PDCD11: variants seen among roughly 807,000 people sequenced by gnomAD.
PDCD11 encodes programmed cell death 11.
In PDCD11, 97 loss-of-function variants were observed where a neutral mutation model predicts 198.9. The observed-to-expected ratio is 0.49, with a 90% CI of 0.41 to 0.58. The LOEUF (loss-of-function observed/expected upper bound fraction) is 0.58. Ranked by LOEUF, PDCD11 falls within the 20% of genes least tolerant of loss-of-function variation. PDCD11 has a pLI of 0.00. For missense variants in PDCD11, 2,102 were observed against 2,312.7 expected (o/e 0.91, Z 1.87); for synonymous variants, 893 against 918.0 (o/e 0.97, Z 0.49).
intron 7 of PDCD11, among the ~76,000 whole-genome samples, chr10:103,408,429 G>T (rs1237003105): frequency 6.6e-6 from 1 of 152,136 alleles, no homozygotes; most frequent in East Asian, 1.9e-4. Context: ...TCTCTAGGAA[G>T]TTTTTGTTTA....
intron 5 of PDCD11, among the ~76,000 whole-genome samples, chr10:103,405,611 G>T (rs533856390): frequency 7.2e-5 from 11 of 152,198 alleles, no homozygotes; most frequent in African/African-American, 2.4e-4. Context: ...GGCCAGGCTG[G>T]TCTCAAACTC....
rs764202652 is a variant in PDCD11 at position 103,439,875 on chromosome 10, G to GC, written c.4148+9dup. 6.2e-7 allele frequency: 1 copy of GC among 1,614,118 alleles called. No individual in the cohort carries two copies. Among genetic ancestry groups the GC allele is most frequent in the Non-Finnish European group, 8.5e-7 (1 of 1,179,982 alleles). ...TCACAGCCAGGGTCCTACGGTAGGT[G>GC]CCTTCCCGTTCTCTCTCTCTCTGTA... On this transcript the variant is annotated splice_region_variant and intron_variant, in intron 28 of 35. Coordinates refer to ENST00000369797, the MANE Select transcript of PDCD11 (RefSeq NM_014976.2).
chr10:103,423,228 G>A (rs921436282), intron 18 of PDCD11, 91 bp downstream of exon 18: 7 of 1,308,892 alleles, frequency 5.3e-6, no homozygotes, highest in African/African-American at 3.0e-5. Flanking sequence ...AAATACTTAC[G>A]GTAGGTGAGT....
In PDCD11 at chr10:103,438,806, T is replaced by G; in HGVS notation, c.4023T>G (p.Phe1341Leu). ...CCATCCAGCCACACGGTGTGTTCTT[T>G]CGGTGAGTGAGGGGGGCTCTGCACC... ...VGSIQPHGVFFRLGPSVVGLA... is the reference protein window; with the variant it reads ...VGSIQPHGVFLRLGPSVVGLA... Residue 1341 changes from phenylalanine (F) to leucine (L), a missense_variant and splice_region_variant, in exon 27 of 36, where the codon TTT becomes TTG. By Grantham distance (22) the Phe-to-Leu change is conservative. Transcript: ENST00000369797. The G allele has an allele frequency of 1.2e-6, 2 of 1,613,868 alleles. No homozygotes were observed. Among genetic ancestry groups the G allele is most frequent in the African/African-American group, 1.3e-5 (1 of 75,020 alleles).
chr10:103,417,765 G>A, intron 13 of PDCD11, 27 bp from the exon 14 acceptor site: 1 of 1,610,832 alleles, frequency 6.2e-7, no homozygotes, highest in Non-Finnish European at 8.5e-7. Flanking sequence ...GGGAGGAGTT[G>A]GCCAAGCCTG....
chr10:103,438,011 T>C lies in PDCD11; in HGVS notation c.3846-4T>C, dbSNP rs2032222642. ...GCGTTTCCTTCTCTTTTGCCTTCAT[T>C]CAGATGTTACATCCTGTCCACTGCA... On this transcript the variant is annotated splice_region_variant and splice_polypyrimidine_tract_variant and intron_variant, in intron 25 of 35. Coordinates refer to ENST00000369797, the MANE Select transcript of PDCD11 (RefSeq NM_014976.2). 6.2e-7 allele frequency: 1 copy of C among 1,612,690 alleles called. No homozygotes were observed. Among genetic ancestry groups the C allele is most frequent in the African/African-American group, 1.3e-5 (1 of 74,914 alleles).
intron 11 of PDCD11, 79 bp downstream of exon 11, chr10:103,414,409 G>A (rs2030986547): frequency 3.1e-6 from 3 of 963,154 alleles, no homozygotes; most frequent in Non-Finnish European, 5.0e-6. Flanking sequence ...CTGTCAGCCC[G>A]TTAGTCCTCA....
intron 19 of PDCD11, 107 bp downstream of exon 19, chr10:103,423,765 A>G (rs1457829808): frequency 9.5e-6 from 7 of 737,746 alleles, no homozygotes; most frequent in East Asian, 2.7e-5. Context: ...GGGTAGCCCT[A>G]TGTCTGGATG....
chr10:103,426,564 G>GCAGGAGAAGGC (rs2031701780), intron 20 of PDCD11, among the ~76,000 whole-genome samples: 1 of 152,130 alleles, frequency 6.6e-6, no homozygotes, highest in Non-Finnish European at 1.5e-5. Context: ...GGAGGCTGAG[G>GCAGGAGAAGGC]TGGGTGGATC....
intron 5 of PDCD11, among the ~76,000 whole-genome samples, chr10:103,405,675 C>T (rs1592113482): frequency 6.6e-6 from 1 of 152,288 alleles, no homozygotes; most frequent in Non-Finnish European, 1.5e-5. Context: ...GGATTACAGG[C>T]ATGAGCCACT....
At chr10:103,436,861 C>G (rs2032174830) in intron 25 of PDCD11, among the ~76,000 whole-genome samples, 1 of 152,204 alleles carries the variant, frequency 6.6e-6, no homozygotes. Flanking sequence ...CTTTCTACCT[C>G]TAAGAATCTG....
Position 103,413,105 on chromosome 10 carries a change from C to T in PDCD11, c.979-11C>T, listed in dbSNP as rs777225995. ...CCTCCTCCTGCTCACCCTGCCCTTC[C>T]TTTTGTCTAGGTGAGGGCCTGCATC... On this transcript the variant is annotated splice_polypyrimidine_tract_variant and intron_variant, in intron 8 of 35. Transcript: ENST00000369797. 6.2e-7 allele frequency: 1 copy of T among 1,612,998 alleles called. No individual in the cohort carries two copies. Among genetic ancestry groups the T allele is most frequent in the Admixed American group, 1.7e-5 (1 of 60,018 alleles).
At chr10:103,414,876 A>G (rs1013486287) in intron 11 of PDCD11, 129 bp from the exon 12 acceptor site, 2 of 858,668 alleles carry the variant, frequency 2.3e-6, no homozygotes, top group Non-Finnish European at 3.8e-6. Context: ...CCCATGTGCC[A>G]TCTGGAATAA....
intron 15 of PDCD11, 76 bp from the exon 16 acceptor site, chr10:103,419,462 C>T (rs776073148): frequency 3.3e-6 from 5 of 1,497,880 alleles, no homozygotes; most frequent in Non-Finnish European, 4.6e-6. Flanking sequence ...CTGTCCTTCT[C>T]TGTGGAGAAA....
intron 3 of PDCD11, among the ~76,000 whole-genome samples, chr10:103,402,231 G>A (rs2030135388): frequency 6.6e-6 from 1 of 152,068 alleles, no homozygotes; most frequent in African/African-American, 2.4e-5. Context: ...TTCCTTCATT[G>A]TGTTGTCTGC....
intron 32 of PDCD11, 26 bp from the exon 33 acceptor site, chr10:103,443,139 T>C: frequency 1.3e-6 from 2 of 1,549,140 alleles, no homozygotes; most frequent in African/African-American, 2.7e-5. Context: ...CATGTGGCGC[T>C]CATGTGCTGA....
At chr10:103,399,115 T>G (rs1564753123) in intron 2 of PDCD11, among the ~76,000 whole-genome samples, 1 of 150,978 alleles carries the variant, frequency 6.6e-6, no homozygotes, top group African/African-American at 2.4e-5. Flanking sequence ...CAGTTTTTTT[T>G]TTTTTTTTTT....
chr10:103,401,759 AC>A (rs1592110177), intron 3 of PDCD11, among the ~76,000 whole-genome samples: 1 of 150,712 alleles, frequency 6.6e-6, no homozygotes, highest in East Asian at 2.0e-4. Context: ...TTTTTTTGAG[AC>A]GGAGTCTCGC....
In PDCD11 at chr10:103,418,408, G is replaced by A. The variant is rs781171581; in HGVS notation, c.1912-32G>A. On this transcript the variant is annotated intron_variant, in intron 14 of 35. Transcript: ENST00000369797. ...CCAGGTTGTTCTCTGTTCATGACAA[G>A]TGCTATTTTTGTCTTTCTCTTCCCT... is the stretch of plus-strand genomic sequence containing the variant. 1.9e-6 allele frequency: 3 copies of A among 1,560,392 alleles called. No homozygotes were observed. The East Asian group carries it at 6.7e-5, about 35-fold the overall frequency.
Sources: gnomAD v4.1 joint callset for allele counts (sites outside exome capture counted in the v4.1 genomes callset) on GRCh38, gnomAD v4.1.1 for gene constraint, MANE v1.5 for transcripts, NCBI Gene and HGNC (gene_info 2026-07-23, HGNC 2026-07-21) for gene names.